The following ROBO2 variants were observed in gnomAD, a reference collection of about 807,000 sequenced individuals.
ROBO2 encodes roundabout homolog 2.
In ROBO2, 53 loss-of-function variants were observed where a neutral mutation model predicts 160.8. The observed-to-expected ratio is 0.33, with a 90% CI of 0.26 to 0.41. The LOEUF is 0.41. Among genes scored for constraint, ROBO2 ranks in the 10% least tolerant of loss-of-function variants. The pLI, the probability that ROBO2 is intolerant of heterozygous loss-of-function variation, is 1.00. For synonymous variants in ROBO2, 664 were observed against 611.7 expected (o/e 1.09, Z -1.26); for missense variants, 1,577 against 1,722.4 (o/e 0.92, Z 1.49).
intron 2 of ROBO2, among the ~76,000 whole-genome samples, chr3:77,200,262 ATATTT>A (rs2082714228): frequency 1.3e-5 from 1 of 76,832 alleles, no homozygotes; most frequent in African/African-American, 4.1e-5. Context: ...CCTAACTAAC[ATATTT>A]TATATATATA....
At position 76,819,647 on chromosome 3, in the gene ROBO2, G is replaced by C. The variant is rs1006561379; in HGVS notation, c.110-278367G>C. ...AGAGAGCTTGTATGTTGGGATTGTT[G>C]TGATTCTTTTTAAACCTCTAGGCTA... On this transcript the variant is annotated intron_variant, in intron 2 of 26. Coordinates refer to the ROBO2 transcript ENST00000487694. 2.0e-5 allele frequency among the ~76,000 whole-genome samples: 3 copies of C among 152,032 alleles called. No individual in the cohort carries two copies. In the East Asian group the frequency reaches 5.8e-4, roughly 29 times the overall value.
intron 2 of ROBO2, among the ~76,000 whole-genome samples, chr3:77,207,266 A>G (rs2083558918): frequency 6.6e-6 from 1 of 152,202 alleles, no homozygotes; most frequent in Admixed American, 6.5e-5. Context: ...ATTTAACTGG[A>G]CAATTATTTC....
chr3:76,345,443 T>TTCC (rs577150478), intron 2 of ROBO2, among the ~76,000 whole-genome samples: 2 of 12,500 alleles, frequency 1.6e-4, no homozygotes, highest in Non-Finnish European at 5.4e-3. Context: ...TTTTCTTTCT[T>TTCC]TTTTTTTTTT....
chr3:76,648,301 T>C (rs2091081294), intron 2 of ROBO2, among the ~76,000 whole-genome samples: 1 of 152,120 alleles, frequency 6.6e-6, no homozygotes, highest in African/African-American at 2.4e-5. Flanking sequence ...TCTATAAGCA[T>C]ATAAAAACTT....
chr3:76,448,412 G>T (rs540742061), intron 2 of ROBO2, among the ~76,000 whole-genome samples: 2 of 152,130 alleles, frequency 1.3e-5, no homozygotes, highest in Non-Finnish European at 2.9e-5. Flanking sequence ...GAAAAGGTAT[G>T]TCTGAGATAA....
At chr3:76,533,998 G>C (rs1166051384) in intron 2 of ROBO2, among the ~76,000 whole-genome samples, 1 of 152,224 alleles carries the variant, frequency 6.6e-6, no homozygotes, top group Non-Finnish European at 1.5e-5. Context: ...TATGTGTGCA[G>C]GTCACAGGGG....
chr3:76,736,367 A>C (rs1369044592), intron 2 of ROBO2, among the ~76,000 whole-genome samples: 1 of 151,838 alleles, frequency 6.6e-6, no homozygotes, highest in Non-Finnish European at 1.5e-5. Flanking sequence ...AAGTGGATAC[A>C]ATTTAGTGTT....
intron 2 of ROBO2, among the ~76,000 whole-genome samples, chr3:76,515,610 C>T (rs1305692990): frequency 6.6e-6 from 1 of 152,072 alleles, no homozygotes; most frequent in Non-Finnish European, 1.5e-5. Flanking sequence ...AAAGCCTAAG[C>T]ATATCTTTGC....
intron 2 of ROBO2, among the ~76,000 whole-genome samples, chr3:76,665,424 A>C (rs1231061577): frequency 6.6e-6 from 1 of 152,026 alleles, no homozygotes; most frequent in African/African-American, 2.4e-5. Flanking sequence ...CTGATGTCAA[A>C]TGTTGCACCC....
At chr3:76,286,680 G>T (rs961640767) in intron 2 of ROBO2, among the ~76,000 whole-genome samples, 11 of 152,064 alleles carry the variant, frequency 7.2e-5, no homozygotes, top group Admixed American at 4.6e-4. Flanking sequence ...TGTATGTCTT[G>T]GGTGTTGTTT....
At chr3:76,660,613 C>T (rs551324826) in intron 2 of ROBO2, among the ~76,000 whole-genome samples, 163 of 152,264 alleles carry the variant, frequency 1.1e-3, no homozygotes, top group African/African-American at 3.9e-3. Flanking sequence ...GTTATCCACT[C>T]ACATGTATTG....
At chr3:77,435,254 A>G (rs188077293) in intron 2 of ROBO2, among the ~76,000 whole-genome samples, 1 of 151,948 alleles carries the variant, frequency 6.6e-6, no homozygotes, top group Non-Finnish European at 1.5e-5. Context: ...TACTGACTCC[A>G]TGAATCTGTT....
chr3:76,624,293 G>C (rs921565681), intron 2 of ROBO2, among the ~76,000 whole-genome samples: 12 of 152,114 alleles, frequency 7.9e-5, no homozygotes, highest in African/African-American at 2.7e-4. Context: ...CCTGGTAAGT[G>C]GTGCTTGTTT....
At chr3:77,633,821 A>G (rs1033306391) in intron 23 of ROBO2, 4 of 152,230 alleles carry the variant, frequency 2.6e-5, no homozygotes, top group East Asian at 1.9e-4. Flanking sequence ...CTGAAACTTT[A>G]TGTTGCTTGA....
chr3:76,118,000 TG>T (rs576133537), intron 2 of ROBO2, among the ~76,000 whole-genome samples: 130 of 150,076 alleles, frequency 8.7e-4, no homozygotes, highest in African/African-American at 3.0e-3. Context: ...TGTAGTGGGG[TG>T]GGGTGAGGGG....
intron 2 of ROBO2, among the ~76,000 whole-genome samples, chr3:77,231,320 G>T (rs141503381): frequency 1.1e-3 from 140 of 129,112 alleles, no homozygotes; most frequent in African/African-American, 4.0e-3. Flanking sequence ...CCAAGATCAC[G>T]CCACTGTACT....
At chr3:76,255,829 G>A (rs1009725945) in intron 2 of ROBO2, among the ~76,000 whole-genome samples, 1 of 151,166 alleles carries the variant, frequency 6.6e-6, no homozygotes, top group African/African-American at 2.4e-5. Context: ...ACTTTCCCAC[G>A]TTATTTAGGT....
At chr3:76,572,153 A>T (rs1475825797) in intron 2 of ROBO2, among the ~76,000 whole-genome samples, 4 of 152,170 alleles carry the variant, frequency 2.6e-5, no homozygotes, top group African/African-American at 9.7e-5. Context: ...AAATTTATTG[A>T]ATCCTTTTAG....
chr3:77,284,768 A>T (rs1181848534), intron 2 of ROBO2, among the ~76,000 whole-genome samples: 1 of 152,070 alleles, frequency 6.6e-6, no homozygotes, highest in African/African-American at 2.4e-5. Flanking sequence ...AATATTATTA[A>T]TAATAATATC....
Sources: gnomAD v4.1 joint callset for allele counts (sites outside exome capture counted in the v4.1 genomes callset) on GRCh38, gnomAD v4.1.1 for gene constraint, MANE v1.5 for transcripts, NCBI Gene and HGNC (gene_info 2026-07-23, HGNC 2026-07-21) for gene names.